The following CUL4A variants were observed in gnomAD, a reference collection of about 807,000 sequenced individuals.
CUL4A encodes cullin 4A, also known as cullin-4A.
In CUL4A, 16 loss-of-function variants were observed where a neutral mutation model predicts 95.5. That is an observed-to-expected ratio of 0.17 (90% CI 0.11 to 0.25). The LOEUF is 0.25. CUL4A is among the 10% of genes least tolerant of loss of function. The pLI is 1.00. For missense variants in CUL4A, 610 were observed against 937.0 expected (o/e 0.65, Z 4.56); for synonymous variants, 380 against 353.1 (o/e 1.08, Z -0.85).
At chr13:113,210,992 A>G (rs73581019) in intron 2 of CUL4A, among the ~76,000 whole-genome samples, 1,546 of 152,316 alleles carry the variant, frequency 0.01, 32 homozygotes, top group African/African-American at 0.036. Flanking sequence ...TCTACATATA[A>G]TGTGCACTTC....
At chr13:113,210,160 C>A in intron 2 of CUL4A, 72 bp downstream of exon 2, 1 of 1,058,090 alleles carries the variant, frequency 9.5e-7, no homozygotes, top group South Asian at 1.9e-5. Context: ...GCGGCCGCTC[C>A]GGGTGCCTCG....
chr13:113,260,402 T>C (rs1020249734), intron 18 of CUL4A, among the ~76,000 whole-genome samples: 2 of 149,984 alleles, frequency 1.3e-5, no homozygotes, highest in Non-Finnish European at 3.0e-5. Context: ...ATACAAAAAG[T>C]AGCCGGGCAT....
intron 15 of CUL4A, among the ~76,000 whole-genome samples, chr13:113,247,900 G>A (rs1364216012): frequency 2.0e-5 from 3 of 152,154 alleles, no homozygotes. Context: ...TATGTCCTTT[G>A]TGGTGTTTTT....
chr13:113,210,159 C>A, intron 2 of CUL4A, 71 bp downstream of exon 2: 1 of 1,062,876 alleles, frequency 9.4e-7, no homozygotes, highest in Non-Finnish European at 1.3e-6. Flanking sequence ...GGCGGCCGCT[C>A]CGGGTGCCTC....
intron 5 of CUL4A, 55 bp from the exon 6 acceptor site, chr13:113,233,122 A>C: frequency 6.4e-7 from 1 of 1,568,832 alleles, no homozygotes; most frequent in Non-Finnish European, 8.7e-7. Context: ...AGATTCACCC[A>C]TAACTTCTAA....
intron 16 of CUL4A, 44 bp from the exon 17 acceptor site, chr13:113,254,649 G>A (rs1007741617): frequency 7.8e-7 from 1 of 1,285,634 alleles, no homozygotes; most frequent in African/African-American, 1.5e-5. Flanking sequence ...TTCAAAGATT[G>A]TACATGCACA....
chr13:113,246,133 C>A, intron 15 of CUL4A, 70 bp downstream of exon 15: 1 of 1,172,202 alleles, frequency 8.5e-7, no homozygotes, highest in Non-Finnish European at 1.2e-6. Flanking sequence ...ATGTTGCCTT[C>A]AAGAATTGTT....
At chr13:113,209,227 T>C (rs1184576316), upstream of CUL4A, among the ~76,000 whole-genome samples, 1 of 134,298 alleles carries the variant, frequency 7.4e-6, no homozygotes, top group Non-Finnish European at 1.6e-5. Flanking sequence ...CTCAGGAGGG[T>C]GTCCCGGCTC....
chr13:113,222,034 G>A (rs1219105432), intron 3 of CUL4A, among the ~76,000 whole-genome samples: 1 of 152,232 alleles, frequency 6.6e-6, no homozygotes, highest in Non-Finnish European at 1.5e-5. Context: ...ATGCCAAGGT[G>A]GCACAGGCCA....
intron 12 of CUL4A, 111 bp from the exon 13 acceptor site, chr13:113,244,838 T>C: frequency 1.5e-6 from 1 of 655,812 alleles, no homozygotes; most frequent in Non-Finnish European, 2.5e-6. Context: ...AGACTCTGTC[T>C]CAAAAAAAAA....
chr13:113,240,997 A>C (rs887486616), intron 10 of CUL4A, among the ~76,000 whole-genome samples: 1 of 152,220 alleles, frequency 6.6e-6, no homozygotes, highest in South Asian at 2.1e-4. Flanking sequence ...ATTTCCGTTA[A>C]ATAAAAAAGA....
At chr13:113,222,666 C>T (rs887339940) in intron 3 of CUL4A, among the ~76,000 whole-genome samples, 20 of 152,148 alleles carry the variant, frequency 1.3e-4, no homozygotes, top group African/African-American at 4.3e-4. Flanking sequence ...CAGTGGCTCA[C>T]GCCTCTAACC....
intron 2 of CUL4A, among the ~76,000 whole-genome samples, chr13:113,216,618 A>C (rs923381493): frequency 2.6e-5 from 4 of 152,272 alleles, no homozygotes; most frequent in Non-Finnish European, 1.5e-5. Flanking sequence ...GCCTGAGTGC[A>C]CCAACATGAA....
At chr13:113,214,494 A>T (rs1368040682) in intron 2 of CUL4A, among the ~76,000 whole-genome samples, 1 of 151,946 alleles carries the variant, frequency 6.6e-6, no homozygotes, top group African/African-American at 2.4e-5. Flanking sequence ...TTTTTGTTGC[A>T]CAAAAACAAA....
intron 2 of CUL4A, among the ~76,000 whole-genome samples, chr13:113,211,750 T>G (rs1486987686): frequency 2.6e-5 from 4 of 152,194 alleles, no homozygotes; most frequent in Admixed American, 2.6e-4. Flanking sequence ...ACATATATTC[T>G]TACTCCTCTC....
chr13:113,216,427 G>A (rs558678633), intron 2 of CUL4A, among the ~76,000 whole-genome samples: 1 of 152,356 alleles, frequency 6.6e-6, no homozygotes, highest in African/African-American at 2.4e-5. Flanking sequence ...TAGTTAGGAA[G>A]TAGCTGTGAT....
At chr13:113,250,958 G>C (rs2041979454) in intron 15 of CUL4A, among the ~76,000 whole-genome samples, 2 of 152,150 alleles carry the variant, frequency 1.3e-5, no homozygotes, top group South Asian at 4.1e-4. Flanking sequence ...AGAGGAGATT[G>C]CCAAGCAGAT....
chr13:113,235,527 A>C (rs1566349210), intron 8 of CUL4A, among the ~76,000 whole-genome samples: 1 of 152,120 alleles, frequency 6.6e-6, no homozygotes, highest in Admixed American at 6.6e-5. Context: ...TTTTCATCTT[A>C]TGTTTTTTTC....
chr13:113,234,626 C>A (rs1158794903), intron 7 of CUL4A, among the ~76,000 whole-genome samples: 1 of 152,202 alleles, frequency 6.6e-6, no homozygotes, highest in Admixed American at 6.5e-5. Context: ...ACTTTGAGGT[C>A]TCCTGCAACC....
Sources: allele counts gnomAD v4.1 joint callset (sites outside exome capture counted in the v4.1 genomes callset), GRCh38; gene constraint gnomAD v4.1.1; transcripts MANE v1.5; gene names NCBI Gene and HGNC (gene_info 2026-07-23, HGNC 2026-07-21).